Variants in CDH13 observed in about 807,000 individuals in gnomAD.
CDH13 encodes the protein cadherin-13.
A neutral mutation model predicts 63.8 loss-of-function variants in CDH13; 24 were observed. The ratio of observed to expected loss-of-function variants is 0.38; its 90% CI spans 0.27 to 0.53. The LOEUF (loss-of-function observed/expected upper bound fraction) is 0.53, where lower values mean the gene tolerates loss of function less well. Among genes scored for constraint, CDH13 ranks in the 20% least tolerant of loss-of-function variants. The pLI, the probability that CDH13 is intolerant of heterozygous loss-of-function variation, is 0.85. For synonymous variants in CDH13, 503 were observed against 355.3 expected (o/e 1.42, Z -4.67); for missense variants, 1,049 against 903.1 (o/e 1.16, Z -2.07).
intron 3 of CDH13, among the ~76,000 whole-genome samples, chr16:83,103,970 G>A (rs1434562234): frequency 1.3e-5 from 2 of 152,182 alleles, no homozygotes; most frequent in Non-Finnish European, 2.9e-5. Flanking sequence ...AGAATAGCTG[G>A]TATGCTGACA....
intron 10 of CDH13, among the ~76,000 whole-genome samples, chr16:83,720,777 AC>A (rs994661108): frequency 1.3e-5 from 2 of 152,122 alleles, no homozygotes; most frequent in African/African-American, 4.8e-5. Flanking sequence ...GCAATCCCAA[AC>A]CCAGGGCCAG....
At chr16:82,642,035 CT>C (rs1272721202) in intron 1 of CDH13, among the ~76,000 whole-genome samples, 3 of 146,584 alleles carry the variant, frequency 2.0e-5, no homozygotes, top group South Asian at 2.1e-4. Flanking sequence ...TCACCAACTC[CT>C]TATGACACCC....
intron 6 of CDH13, among the ~76,000 whole-genome samples, chr16:83,458,541 C>T (rs768165935): frequency 6.6e-6 from 1 of 152,122 alleles, no homozygotes; most frequent in Non-Finnish European, 1.5e-5. Flanking sequence ...TATAACTCAT[C>T]TCCCCCCACT....
chr16:82,944,578 G>C (rs1000562223), intron 2 of CDH13, among the ~76,000 whole-genome samples: 1 of 152,170 alleles, frequency 6.6e-6, no homozygotes, highest in African/African-American at 2.4e-5. Flanking sequence ...CTAGCATCTA[G>C]TGGGTGAAGG....
chr16:83,765,899 A>G (rs1914347632), intron 11 of CDH13, among the ~76,000 whole-genome samples: 1 of 152,128 alleles, frequency 6.6e-6, no homozygotes, highest in South Asian at 2.1e-4. Context: ...CAGATGACAT[A>G]AGAGGCCTGG....
intron 1 of CDH13, among the ~76,000 whole-genome samples, chr16:82,738,123 T>C (rs2033767698): frequency 6.6e-6 from 1 of 152,216 alleles, no homozygotes; most frequent in South Asian, 2.1e-4. Context: ...TTAGGTTTCA[T>C]GACAGTCTGT....
At chr16:83,417,324 T>A (rs1188778871) in intron 6 of CDH13, among the ~76,000 whole-genome samples, 1 of 152,192 alleles carries the variant, frequency 6.6e-6, no homozygotes, top group Admixed American at 6.5e-5. Flanking sequence ...TTCCCCAAGA[T>A]TACCATTACA....
chr16:82,865,311 A>G (rs1268266168), intron 2 of CDH13, among the ~76,000 whole-genome samples: 1 of 152,188 alleles, frequency 6.6e-6, no homozygotes, highest in African/African-American at 2.4e-5. Flanking sequence ...TCAACCCCAC[A>G]TTTCCCTTCT....
intron 2 of CDH13, among the ~76,000 whole-genome samples, chr16:82,924,267 G>A (rs2051278863): frequency 1.6e-5 from 2 of 127,254 alleles, no homozygotes; most frequent in Admixed American, 7.2e-5. Flanking sequence ...TTATGATAAT[G>A]CTGAATAGCA....
At chr16:83,266,588 C>G (rs141563303) in intron 5 of CDH13, among the ~76,000 whole-genome samples, 1 of 152,340 alleles carries the variant, frequency 6.6e-6, no homozygotes, top group East Asian at 1.9e-4. Flanking sequence ...CATCTCCCCT[C>G]TTCACACTCC....
intron 6 of CDH13, among the ~76,000 whole-genome samples, chr16:83,398,578 A>T (rs1386264841): frequency 6.6e-6 from 1 of 152,176 alleles, no homozygotes. Flanking sequence ...GGTTCCAGGG[A>T]TAAGGACATA....
At chr16:83,080,463 C>G (rs939894402) in intron 3 of CDH13, among the ~76,000 whole-genome samples, 4 of 152,188 alleles carry the variant, frequency 2.6e-5, no homozygotes, top group Non-Finnish European at 5.9e-5. Flanking sequence ...ATCTGCCTGA[C>G]CTTCTTGGGA....
intron 5 of CDH13, among the ~76,000 whole-genome samples, chr16:83,287,449 C>T (rs989399026): frequency 2.6e-5 from 4 of 152,170 alleles, no homozygotes; most frequent in Non-Finnish European, 4.4e-5. Context: ...TGCACTACTG[C>T]CTGAGCTCCA....
chr16:82,763,991 G>A (rs1028321625), intron 1 of CDH13, among the ~76,000 whole-genome samples: 1 of 152,194 alleles, frequency 6.6e-6, no homozygotes, highest in African/African-American at 2.4e-5. Flanking sequence ...ATTTGAAAAG[G>A]AAAGGGGTAG....
At chr16:82,647,477 C>G (rs546736153) in intron 1 of CDH13, among the ~76,000 whole-genome samples, 1 of 152,284 alleles carries the variant, frequency 6.6e-6, no homozygotes, top group East Asian at 1.9e-4. Context: ...GAAAAGGAAA[C>G]AGACGAGGGG....
intron 5 of CDH13, among the ~76,000 whole-genome samples, chr16:83,340,160 C>T (rs959929813): frequency 6.6e-6 from 1 of 152,126 alleles, no homozygotes; most frequent in African/African-American, 2.4e-5. Flanking sequence ...AGTGATCAGA[C>T]AAAATATGAT....
At chr16:83,341,989 C>CCCCCCA (rs767233245) in intron 5 of CDH13, among the ~76,000 whole-genome samples, 11 of 138,152 alleles carry the variant, frequency 8.0e-5, no homozygotes, top group Non-Finnish European at 1.6e-4. Flanking sequence ...GTGTCCCCTG[C>CCCCCCA]CACACACACA....
intron 5 of CDH13, among the ~76,000 whole-genome samples, chr16:83,283,748 T>C (rs180783190): frequency 1.3e-5 from 2 of 152,180 alleles, no homozygotes; most frequent in Non-Finnish European, 2.9e-5. Context: ...AGGTCTTAGT[T>C]TGAGCTGGAA....
At chr16:83,449,844 G>A (rs1265780467) in intron 6 of CDH13, among the ~76,000 whole-genome samples, 2 of 152,232 alleles carry the variant, frequency 1.3e-5, no homozygotes, top group South Asian at 2.1e-4. Flanking sequence ...ATGAGCTAAT[G>A]CAAGGGAGAG....
Sources: allele counts gnomAD v4.1 joint callset (sites outside exome capture counted in the v4.1 genomes callset), GRCh38; gene constraint gnomAD v4.1.1; transcripts MANE v1.5; gene names NCBI Gene and HGNC (gene_info 2026-07-23, HGNC 2026-07-21).